PRDM10: variants seen among roughly 807,000 people sequenced by gnomAD.
PRDM10 encodes the protein PR domain zinc finger protein 10.
A neutral mutation model predicts 133.1 loss-of-function variants in PRDM10; 65 were observed. The observed-to-expected ratio is 0.49, with a 90% CI of 0.40 to 0.60. The LOEUF (loss-of-function observed/expected upper bound fraction) is 0.60. Ranked by LOEUF, PRDM10 falls within the 20% of genes least tolerant of loss-of-function variation. PRDM10 has a pLI of 0.00. For missense variants in PRDM10, 1,137 were observed against 1,507.1 expected, an observed-to-expected ratio of 0.75 and a Z score of 4.07; for synonymous variants, 582 against 580.4, an observed-to-expected ratio of 1.00 and a Z score of -0.04.
At chr11:129,944,184 A>C (rs1188226227) in intron 6 of PRDM10, among the ~76,000 whole-genome samples, 1 of 152,174 alleles carries the variant, frequency 6.6e-6, no homozygotes, top group Non-Finnish European at 1.5e-5. Context: ...CTTCCGGAAC[A>C]GTGAGAAACT....
At chr11:129,996,748 C>A (rs976812536) in intron 1 of PRDM10, among the ~76,000 whole-genome samples, 3 of 152,168 alleles carry the variant, frequency 2.0e-5, no homozygotes, top group African/African-American at 7.2e-5. Context: ...AGTGGGAAGA[C>A]CAGTTTGACC....
At chr11:129,971,874 A>G (rs1010927852) in intron 1 of PRDM10, among the ~76,000 whole-genome samples, 30 of 152,324 alleles carry the variant, frequency 2.0e-4, no homozygotes, top group East Asian at 3.9e-4. Context: ...TGGGTGCCGT[A>G]GAGCAGGGGG....
intron 6 of PRDM10, among the ~76,000 whole-genome samples, chr11:129,944,470 A>G (rs974820801): frequency 5.9e-5 from 9 of 151,790 alleles, no homozygotes; most frequent in African/African-American, 2.2e-4. Context: ...CTGTAGTCCC[A>G]GCTACTCGGG....
intron 1 of PRDM10, among the ~76,000 whole-genome samples, chr11:129,963,455 A>AGAAGAGAAGAGAAGAG (rs1296120595): frequency 3.3e-5 from 5 of 151,648 alleles, no homozygotes; most frequent in Admixed American, 6.6e-5. Flanking sequence ...AGAAGAGAAG[A>AGAAGAGAAGAGAAGAG]AGTCATAACA....
chr11:129,917,563 C>T (rs1225378873), intron 14 of PRDM10, among the ~76,000 whole-genome samples: 1 of 152,218 alleles, frequency 6.6e-6, no homozygotes. Flanking sequence ...TTGGTGAGTT[C>T]TCCTCATGCA....
At chr11:129,907,447 C>T (rs1950048977) in intron 19 of PRDM10, among the ~76,000 whole-genome samples, 1 of 152,188 alleles carries the variant, frequency 6.6e-6, no homozygotes, top group South Asian at 2.1e-4. Context: ...CTCTGATGCC[C>T]AGGCAGGAGT....
intron 10 of PRDM10, among the ~76,000 whole-genome samples, chr11:129,931,659 C>T (rs544622773): frequency 2.8e-4 from 43 of 151,796 alleles, no homozygotes; most frequent in African/African-American, 9.4e-4. Flanking sequence ...GCTCCGCCTC[C>T]CGGTTCACGC....
intron 13 of PRDM10, among the ~76,000 whole-genome samples, chr11:129,920,899 G>A (rs1950505344): frequency 6.6e-6 from 1 of 152,074 alleles, no homozygotes; most frequent in Admixed American, 6.5e-5. Flanking sequence ...CCGGGTTCAA[G>A]TGATTCTCCT....
rs1951245012 is a variant in PRDM10, at chr11:129,942,519, C to T, written c.873G>A (p.Gln291=). Residue 291 remains glutamine (Q), a synonymous_variant, in exon 7 of 21, where the codon CAG becomes CAA. Coordinates refer to ENST00000360871, the MANE Select transcript of PRDM10 (RefSeq NM_199437.2). ...CNWMMFVRPA[Q]NHLEQNLVAY... ...CCACCAGGTTCTGCTCCAGGTGATT[C>T]TGGGCTGGCCGTACAAACATCATCC... is the stretch of plus-strand genomic sequence containing the variant. 1.2e-6 allele frequency: 2 copies of T among 1,614,100 alleles called. No individual in the cohort carries two copies. The highest frequency in any genetic ancestry group is 1.7e-6 in the Non-Finnish European group (2 of 1,180,036).
At chr11:129,953,878 G>A (rs1951642486) in intron 4 of PRDM10, among the ~76,000 whole-genome samples, 2 of 135,280 alleles carry the variant, frequency 1.5e-5, no homozygotes, top group African/African-American at 2.7e-5. Context: ...AATAAATGAA[G>A]TATATAATAG....
chr11:129,944,366 G>A (rs1004227095), intron 6 of PRDM10, among the ~76,000 whole-genome samples: 10 of 152,110 alleles, frequency 6.6e-5, no homozygotes, highest in East Asian at 1.9e-4. Context: ...AGGCCAAGGC[G>A]GGCAGATCAC....
chr11:129,995,458 T>A (rs923748125), intron 1 of PRDM10, among the ~76,000 whole-genome samples: 2 of 152,048 alleles, frequency 1.3e-5, no homozygotes, highest in Non-Finnish European at 2.9e-5. Context: ...AGTTAAAAAG[T>A]CAAACAAAGA....
intron 1 of PRDM10, among the ~76,000 whole-genome samples, chr11:129,987,232 CAA>C (rs1218929633): frequency 1.3e-5 from 2 of 152,142 alleles, no homozygotes; most frequent in Admixed American, 1.3e-4. Flanking sequence ...TGGAGAGCTT[CAA>C]ACAATAAAGG....
At chr11:129,993,644 C>G (rs1292267085) in intron 1 of PRDM10, among the ~76,000 whole-genome samples, 1 of 152,146 alleles carries the variant, frequency 6.6e-6, no homozygotes. Context: ...GCCACCACAC[C>G]TGGCTAACTT....
intron 3 of PRDM10, 101 bp downstream of exon 3, chr11:129,957,645 C>T: frequency 2.8e-6 from 4 of 1,406,560 alleles, no homozygotes; most frequent in South Asian, 1.3e-5. Flanking sequence ...TGAATACGTA[C>T]TGCATCACCA....
chr11:129,970,843 AC>A (rs990253737), intron 1 of PRDM10, among the ~76,000 whole-genome samples: 47 of 151,766 alleles, frequency 3.1e-4, no homozygotes, highest in Non-Finnish European at 5.0e-4. Flanking sequence ...ACGGCACCCG[AC>A]CCCCCTTCTT....
At position 129,931,668 on chromosome 11, in the gene PRDM10, G is replaced by A. The variant is rs564565352; in HGVS notation, c.1288-410C>T. ...CTGCAAGCTCCGCCTCCCGGTTCAC[G>A]CCATTCTCCTGCCTCCGCCTCCCGA... On this transcript the variant is annotated intron_variant, in intron 10 of 20. Transcript: ENST00000360871. Among the ~76,000 whole-genome samples, 7 of 151,394 alleles carry A rather than the reference G, an allele frequency of 4.6e-5. No individual in the cohort carries two copies. In the South Asian group the frequency reaches 6.2e-4, roughly 14 times the overall value.
chr11:129,914,664 C>T (rs755145654), intron 17 of PRDM10, 40 bp downstream of exon 17: 29 of 1,609,718 alleles, frequency 1.8e-5, no homozygotes, highest in Middle Eastern at 1.6e-4. Flanking sequence ...AGTGGCAACA[C>T]GGCATTCATA....
intron 1 of PRDM10, among the ~76,000 whole-genome samples, chr11:129,964,734 A>G (rs1951869686): frequency 6.6e-6 from 1 of 152,218 alleles, no homozygotes; most frequent in African/African-American, 2.4e-5. Context: ...TATGATGAGA[A>G]CTTTTGGACA....
Sources: allele counts gnomAD v4.1 joint callset (sites outside exome capture counted in the v4.1 genomes callset), GRCh38; gene constraint gnomAD v4.1.1; transcripts MANE v1.5; gene names NCBI Gene and HGNC (gene_info 2026-07-23, HGNC 2026-07-21).